RNF150: variants seen among roughly 807,000 people sequenced by gnomAD.
The protein encoded by RNF150 is ring finger protein 150.
A neutral mutation model predicts 39.3 loss-of-function variants in RNF150; 24 were observed. The ratio of observed to expected loss-of-function variants is 0.61; its 90% CI spans 0.44 to 0.86. The LOEUF (loss-of-function observed/expected upper bound fraction) is 0.86, where lower values mean the gene tolerates loss of function less well. Ranked by LOEUF, RNF150 falls within the 40% of genes least tolerant of loss-of-function variation. The probability of loss-of-function intolerance (pLI) is 0.00; values close to 1 mark genes in which losing one functional copy is unlikely to be tolerated. For synonymous variants in RNF150, 255 were observed against 227.3 expected (o/e 1.12, Z -1.10); for missense variants, 502 against 587.8 (o/e 0.85, Z 1.51).
At chr4:140,947,786 G>T (rs781325130) in intron 3 of RNF150, 50 bp from the exon 4 acceptor site, 1 of 1,306,402 alleles carries the variant, frequency 7.7e-7, no homozygotes, top group South Asian at 1.4e-5. Flanking sequence ...TTCATCTCTT[G>T]TGTAAATATC....
intron 1 of RNF150, among the ~76,000 whole-genome samples, chr4:141,101,374 C>T (rs568019011): frequency 6.6e-6 from 1 of 152,100 alleles, no homozygotes; most frequent in African/African-American, 2.4e-5. Flanking sequence ...TAGGCCTACA[C>T]AGGGTCAGGA....
intron 6 of RNF150, among the ~76,000 whole-genome samples, chr4:140,876,186 T>C (rs1178350197): frequency 1.3e-5 from 2 of 152,198 alleles, no homozygotes; most frequent in Non-Finnish European, 2.9e-5. Flanking sequence ...GCTTATCTTC[T>C]TGAAAATAGG....
intron 1 of RNF150, among the ~76,000 whole-genome samples, chr4:141,175,219 C>T (rs1425389033): frequency 6.6e-6 from 1 of 152,190 alleles, no homozygotes; most frequent in Non-Finnish European, 1.5e-5. Flanking sequence ...CGCTGTGCAA[C>T]CTTGGGAAAT....
At chr4:141,155,592 G>T (rs1727377916) in intron 1 of RNF150, among the ~76,000 whole-genome samples, 1 of 152,022 alleles carries the variant, frequency 6.6e-6, no homozygotes, top group South Asian at 2.1e-4. Context: ...CACAAAATTG[G>T]GTATGCAAGT....
chr4:141,043,241 A>G (rs1186947711), intron 1 of RNF150, among the ~76,000 whole-genome samples: 2 of 152,110 alleles, frequency 1.3e-5, no homozygotes, highest in African/African-American at 4.8e-5. Flanking sequence ...ACCATTTTTC[A>G]GACATACAAA....
chr4:141,046,392 CA>C (rs1033405813), intron 1 of RNF150, among the ~76,000 whole-genome samples: 10 of 152,186 alleles, frequency 6.6e-5, no homozygotes, highest in Admixed American at 2.0e-4. Flanking sequence ...AAGTTTGGGG[CA>C]AGTTATGTAA....
At chr4:140,958,591 T>C (rs1332449282) in intron 2 of RNF150, among the ~76,000 whole-genome samples, 1 of 152,154 alleles carries the variant, frequency 6.6e-6, no homozygotes, top group Non-Finnish European at 1.5e-5. Context: ...AATTCTAGGA[T>C]CAGGCAATCA....
chr4:141,152,265 G>A (rs955663943), intron 1 of RNF150, among the ~76,000 whole-genome samples: 2 of 152,134 alleles, frequency 1.3e-5, no homozygotes, highest in African/African-American at 4.8e-5. Flanking sequence ...TGTCCCTGAA[G>A]GGTGGATTGA....
intron 6 of RNF150, among the ~76,000 whole-genome samples, chr4:140,871,843 A>G (rs1292948293): frequency 6.6e-6 from 1 of 152,200 alleles, no homozygotes; most frequent in Non-Finnish European, 1.5e-5. Context: ...ACAGGGACTG[A>G]TGTAACTATG....
At chr4:140,925,078 T>C (rs1368209471) in intron 5 of RNF150, among the ~76,000 whole-genome samples, 1 of 152,206 alleles carries the variant, frequency 6.6e-6, no homozygotes, top group African/African-American at 2.4e-5. Flanking sequence ...GGAATGACAA[T>C]AGGCAGGTGG....
intron 1 of RNF150, among the ~76,000 whole-genome samples, chr4:141,006,295 TAC>T (rs55837616): frequency 2.9e-4 from 38 of 129,168 alleles, no homozygotes; most frequent in South Asian, 7.3e-4. Flanking sequence ...CGTATATATA[TAC>T]ACACACACAC....
At chr4:140,978,839 G>C (rs1733759196) in intron 1 of RNF150, among the ~76,000 whole-genome samples, 1 of 152,030 alleles carries the variant, frequency 6.6e-6, no homozygotes, top group Admixed American at 6.6e-5. Context: ...TAATATGATA[G>C]AGTCCAGGCT....
At chr4:141,087,710 A>AT (rs1705080603) in intron 1 of RNF150, among the ~76,000 whole-genome samples, 1 of 152,282 alleles carries the variant, frequency 6.6e-6, no homozygotes, top group East Asian at 1.9e-4. Context: ...CCCTTGATTA[A>AT]TTTTTTTACT....
intron 1 of RNF150, among the ~76,000 whole-genome samples, chr4:141,108,022 T>C (rs1015759192): frequency 2.0e-5 from 3 of 152,180 alleles, no homozygotes; most frequent in African/African-American, 7.2e-5. Flanking sequence ...CTTCTTCAGT[T>C]CTCCCTCCCC....
intron 1 of RNF150, among the ~76,000 whole-genome samples, chr4:141,115,586 G>A (rs1395663671): frequency 1.3e-5 from 2 of 152,116 alleles, no homozygotes; most frequent in South Asian, 2.1e-4. Context: ...TTGATTCAAA[G>A]CTATCCCCAT....
chr4:140,947,549 A>C, intron 4 of RNF150, 105 bp downstream of exon 4: 1 of 771,902 alleles, frequency 1.3e-6, no homozygotes, highest in South Asian at 1.6e-5. Flanking sequence ...ACACTGAGGC[A>C]GACTGACCTG....
chr4:141,010,055 A>T (rs1463589889), intron 1 of RNF150, among the ~76,000 whole-genome samples: 1 of 152,258 alleles, frequency 6.6e-6, no homozygotes, highest in Admixed American at 6.5e-5. Context: ...TTAAGTGCTT[A>T]AACTCAATAG....
intron 1 of RNF150, among the ~76,000 whole-genome samples, chr4:141,082,314 A>G (rs1356769112): frequency 6.6e-6 from 1 of 152,228 alleles, no homozygotes; most frequent in Non-Finnish European, 1.5e-5. Context: ...AACGTTACGG[A>G]CCTTGTTTCC....
At chr4:140,992,314 G>A (rs1330091995) in intron 1 of RNF150, among the ~76,000 whole-genome samples, 1 of 152,032 alleles carries the variant, frequency 6.6e-6, no homozygotes, top group Non-Finnish European at 1.5e-5. Context: ...AGGCTGCTGT[G>A]AGCCATGATC....
Sources: gnomAD v4.1 joint callset for allele counts (sites outside exome capture counted in the v4.1 genomes callset) on GRCh38, gnomAD v4.1.1 for gene constraint, MANE v1.5 for transcripts, NCBI Gene and HGNC (gene_info 2026-07-23, HGNC 2026-07-21) for gene names.